The following ASTN2 variants were observed in gnomAD, a reference collection of about 807,000 sequenced individuals.
ASTN2 encodes astrotactin 2.
A neutral mutation model predicts 139.8 loss-of-function variants in ASTN2; 54 were observed. The ratio of observed to expected loss-of-function variants is 0.39; its 90% CI spans 0.31 to 0.48. ASTN2 has a LOEUF of 0.48. Among genes scored for constraint, ASTN2 ranks in the 20% least tolerant of loss-of-function variants. The pLI, the probability that ASTN2 is intolerant of heterozygous loss-of-function variation, is 0.95. For synonymous variants in ASTN2, 756 were observed against 719.5 expected, an observed-to-expected ratio of 1.05 and a Z score of -0.81; for missense variants, 1,565 against 1,725.1, an observed-to-expected ratio of 0.91 and a Z score of 1.64.
intron 2 of ASTN2, among the ~76,000 whole-genome samples, chr9:117,226,765 G>T (rs1248427259): frequency 6.6e-6 from 1 of 152,188 alleles, no homozygotes; most frequent in East Asian, 1.9e-4. Flanking sequence ...AATCCTGTTT[G>T]TCTGCTGCAT....
chr9:117,282,298 T>C (rs997913196), intron 2 of ASTN2, among the ~76,000 whole-genome samples: 4 of 152,222 alleles, frequency 2.6e-5, no homozygotes, highest in African/African-American at 9.6e-5. Context: ...CCATATTATA[T>C]ATACATAGCT....
intron 20 of ASTN2, among the ~76,000 whole-genome samples, chr9:116,453,324 T>C (rs979251125): frequency 1.3e-5 from 2 of 152,166 alleles, no homozygotes; most frequent in East Asian, 3.9e-4. Context: ...CTGGGCGTGG[T>C]GGCTCACGCC....
chr9:116,633,032 C>G (rs1856886185), intron 17 of ASTN2, among the ~76,000 whole-genome samples: 1 of 152,174 alleles, frequency 6.6e-6, no homozygotes, highest in Non-Finnish European at 1.5e-5. Flanking sequence ...GGTGTGTGAT[C>G]TATGTGATCT....
intron 11 of ASTN2, among the ~76,000 whole-genome samples, chr9:116,841,159 G>A (rs1347773511): frequency 6.6e-6 from 1 of 152,228 alleles, no homozygotes; most frequent in East Asian, 1.9e-4. Context: ...CGGATCACTC[G>A]CGGTTAGGAG....
intron 16 of ASTN2, among the ~76,000 whole-genome samples, chr9:116,667,893 C>T (rs1320887806): frequency 1.5e-5 from 2 of 129,392 alleles, no homozygotes; most frequent in Non-Finnish European, 3.1e-5. Context: ...TTTGTTACAA[C>T]TGATGAACGT....
intron 2 of ASTN2, among the ~76,000 whole-genome samples, chr9:117,228,002 A>G (rs1832769809): frequency 6.6e-6 from 1 of 152,158 alleles, no homozygotes; most frequent in Admixed American, 6.5e-5. Context: ...GTGGCTCAAA[A>G]AACACTGGAT....
intron 2 of ASTN2, among the ~76,000 whole-genome samples, chr9:117,237,019 G>T (rs1289578571): frequency 2.0e-5 from 3 of 152,132 alleles, no homozygotes; most frequent in Admixed American, 2.0e-4. Context: ...ATTATAAAAT[G>T]TGGAACAATG....
chr9:116,893,030 C>T (rs903429750), intron 10 of ASTN2, among the ~76,000 whole-genome samples: 18 of 152,118 alleles, frequency 1.2e-4, no homozygotes, highest in Admixed American at 2.0e-4. Flanking sequence ...AAACTCCCAA[C>T]ACCTAAAATA....
At chr9:117,035,699 T>C (rs1272384016) in intron 6 of ASTN2, among the ~76,000 whole-genome samples, 1 of 152,094 alleles carries the variant, frequency 6.6e-6, no homozygotes, top group Non-Finnish European at 1.5e-5. Flanking sequence ...AAAGGAGGCA[T>C]TGGGATCATG....
chr9:116,939,913 A>G (rs3983295), intron 10 of ASTN2, among the ~76,000 whole-genome samples: 149,261 of 152,290 alleles, frequency 0.98, 73,222 homozygotes, highest in East Asian at 1. Flanking sequence ...CTGGCCTAGT[A>G]ACATTGTAGC....
intron 20 of ASTN2, among the ~76,000 whole-genome samples, chr9:116,460,144 A>T (rs1848442895): frequency 6.6e-6 from 1 of 152,156 alleles, no homozygotes; most frequent in African/African-American, 2.4e-5. Flanking sequence ...GAAAGAATCC[A>T]GACACAAAGG....
rs1309006765 is a variant in ASTN2, at chr9:116,425,299, A to G, written c.*552T>C. The G allele has an allele frequency of 3.0e-5, 14 of 469,800 alleles. No individual in the cohort carries two copies. The East Asian group carries it at 5.2e-4, about 18-fold the overall frequency. The allele number at this position is 469,800 out of a possible 1,614,324, so 29.1% of individuals were successfully genotyped here. A position where few individuals can be genotyped will look rare whatever the true frequency, so the allele number is the denominator to read the frequency against. The stretch of plus-strand genomic sequence containing the variant: ...CTGGGCAGACCCACAGGTAGCAGGA[A>G]GAGGCAGGGTCCCACAAACTCAATA... On this transcript the variant is annotated 3_prime_UTR_variant, in exon 23 of 23. Coordinates refer to ENST00000313400, the MANE Select transcript of ASTN2 (RefSeq NM_001365068.1).
At chr9:117,044,430 G>T (rs1056108186) in intron 5 of ASTN2, among the ~76,000 whole-genome samples, 1 of 152,210 alleles carries the variant, frequency 6.6e-6, no homozygotes, top group Non-Finnish European at 1.5e-5. Context: ...CAGCAGAGGG[G>T]TGTGGGGAGT....
rs190700560 is a variant in ASTN2, at chr9:117,313,879, C to A, written c.443-22366G>T. On this transcript the variant is annotated intron_variant, in intron 1 of 22. Transcript: ENST00000313400. Reference sequence around the variant, plus strand: ...ACTCAACCAGACCTTTCTTTCTCAACCTTCTAAATTGTATCTGAATTTCTC... The same window carrying A: ...ACTCAACCAGACCTTTCTTTCTCAAACTTCTAAATTGTATCTGAATTTCTC... 1.8e-3 allele frequency among the ~76,000 whole-genome samples: 279 copies of A among 152,290 alleles called. 1 individual carries two copies. The highest frequency in any genetic ancestry group is 6.5e-3 in the African/African-American group (269 of 41,568).
intron 3 of ASTN2, among the ~76,000 whole-genome samples, chr9:117,211,860 G>T (rs898901603): frequency 2.6e-5 from 4 of 151,936 alleles, no homozygotes; most frequent in African/African-American, 9.7e-5. Flanking sequence ...AGAGGTAAAA[G>T]ATCTCTACAA....
intron 7 of ASTN2, among the ~76,000 whole-genome samples, chr9:116,979,896 T>A (rs1836459625): frequency 1.3e-5 from 2 of 152,162 alleles, no homozygotes; most frequent in Admixed American, 1.3e-4. Context: ...ATTGAGAAAT[T>A]TATTCAGAAA....
Position 116,964,557 on chromosome 9 carries a change from T to A in ASTN2, c.1889+10651A>T, listed in dbSNP as rs533698637. On this transcript the variant is annotated intron_variant, in intron 10 of 22. Transcript: ENST00000313400. Reference sequence around the variant, plus strand: ...ATCAGCAGAAGGTAGATTCCATCACTCAGGACTGTCCATGCAATGGCAGAG... The same window carrying A: ...ATCAGCAGAAGGTAGATTCCATCACACAGGACTGTCCATGCAATGGCAGAG... Among the ~76,000 whole-genome samples, 28 of 152,228 alleles carry A rather than the reference T, an allele frequency of 1.8e-4. 1 individual carries two copies. In the South Asian group the frequency reaches 2.3e-3, roughly 12 times the overall value.
chr9:116,651,393 A>G (rs994594802), intron 17 of ASTN2, 135 bp downstream of exon 17: 11 of 1,044,356 alleles, frequency 1.1e-5, no homozygotes, highest in African/African-American at 1.6e-5. Flanking sequence ...TAAGGAATCA[A>G]TAAATGCTAG....
intron 17 of ASTN2, among the ~76,000 whole-genome samples, chr9:116,632,612 C>G (rs1030263432): frequency 2.0e-5 from 3 of 152,198 alleles, no homozygotes; most frequent in African/African-American, 7.2e-5. Context: ...ACATTGAACC[C>G]TTTGTCATGG....
Sources: gnomAD v4.1 joint callset for allele counts (sites outside exome capture counted in the v4.1 genomes callset) on GRCh38, gnomAD v4.1.1 for gene constraint, MANE v1.5 for transcripts, NCBI Gene and HGNC (gene_info 2026-07-23, HGNC 2026-07-21) for gene names.